The following MED24 variants were observed in gnomAD, a reference collection of about 807,000 sequenced individuals.
The protein encoded by MED24 is mediator complex subunit 24.
Under a neutral mutation model 118.8 loss-of-function variants are expected in MED24, and 74 were observed. That is an observed-to-expected ratio of 0.62 (90% CI 0.52 to 0.76). The LOEUF is 0.76. Ranked by LOEUF, MED24 falls within the 30% of genes least tolerant of loss-of-function variation. The pLI is 0.00. For synonymous variants in MED24, 521 were observed against 523.9 expected (o/e 0.99, Z 0.08); for missense variants, 1,041 against 1,278.9 (o/e 0.81, Z 2.84).
chr17:40,019,895 G>A lies in MED24; in HGVS notation c.2743C>T (p.Arg915Cys), dbSNP rs748099423. The change falls in exon 25 of 26, where the codon CGC becomes TGC. Residue 915 changes from arginine to cysteine, a missense_variant. Physicochemically the swap from Arg to Cys is radical, Grantham distance 180 (BLOSUM62 -3). Transcript: ENST00000394128. ...AACTGGGTGTGGGGGCCAGCGGTGC[G>A]AGACCCCAGGATGGAGGAGATGAGC... ...FLLISSILGS[R>C]TAGPHTQFVQ... 130 of 1,575,500 alleles carry A rather than the reference G, an allele frequency of 8.3e-5. No homozygotes were observed. The highest frequency in any genetic ancestry group is 1.0e-4 in the Non-Finnish European group (117 of 1,159,742).
intron 1 of MED24, chr17:40,053,936 G>C (rs1986092070): frequency 1.9e-6 from 1 of 520,304 alleles, no homozygotes; most frequent in Non-Finnish European, 3.4e-6. Context: ...TTCGAGACTA[G>C]CCTGACCAAC....
rs916071445 is a variant in MED24, at chr17:40,020,152, T to G, written c.2704+121A>C. ...CCAGGACAGCCAACAATGAGGGGCA[T>G]GGAGAGGGAAGGGAGGGGCACCGCA... On this transcript the variant is annotated intron_variant, in intron 24 of 25. Transcript: ENST00000394128. 50 of 1,099,536 alleles carry G rather than the reference T, an allele frequency of 4.5e-5. No individual in the cohort carries two copies. In the African/African-American group the frequency reaches 6.5e-4, roughly 14 times the overall value. 68.1% of individuals were successfully genotyped at this position (1,099,536 alleles called of 1,614,324 possible).
At position 40,026,866 on chromosome 17, in the gene MED24, T is replaced by C. The variant is rs776603016; in HGVS notation, c.1699A>G (p.Met567Val). Reference sequence around the variant, plus strand: ...GCCCGGGCCACTGACACTAGCTTCATCTCCGAGGAGTTGTTGAGCAGGGCC... The same window carrying C: ...GCCCGGGCCACTGACACTAGCTTCACCTCCGAGGAGTTGTTGAGCAGGGCC... ...LVALLNNSSE[M>V]KLVQMKWHEA... Residue 567 changes from methionine (M) to valine (V), a missense_variant, in exon 17 of 26, where the codon ATG becomes GTG. Physicochemically the swap from Met to Val is conservative, Grantham distance 21. This residue lies in a region of MED24 where 587 missense variants were observed against 694.4 expected (regional missense o/e 0.85). Transcript: ENST00000394128. The C allele has an allele frequency of 6.2e-7, 1 of 1,613,048 alleles. No homozygotes were observed. The highest frequency in any genetic ancestry group is 8.5e-7 in the Non-Finnish European group (1 of 1,179,350).
intron 9 of MED24, 94 bp downstream of exon 9, chr17:40,032,555 C>G: frequency 1.0e-6 from 1 of 962,802 alleles, no homozygotes; most frequent in South Asian, 1.6e-5. Flanking sequence ...GCCCAGTGCC[C>G]GCAGGGAGGA....
At chr17:40,035,859 C>A in intron 4 of MED24, 64 bp from the exon 5 acceptor site, 1 of 1,481,040 alleles carries the variant, frequency 6.8e-7, no homozygotes, top group South Asian at 1.2e-5. Flanking sequence ...TCACATGAGG[C>A]AGACGGTGCA....
rs1982179241 is a variant in MED24, at chr17:40,022,704, C to T, written c.2373G>A (p.Leu791=). The change falls in exon 21 of 26, where the codon CTG becomes CTA. Residue 791 remains leucine (L), a synonymous_variant. Coordinates refer to ENST00000394128, the MANE Select transcript of MED24 (RefSeq NM_014815.4). ...LVLLGHILPG[L]LTDSSKWHSL... ...TGTGCCACTTGGAGGAGTCAGTGAG[C>T]AGGCCAGGTAGGATGTGGCCCAGCA... 2 of 1,613,898 alleles carry T rather than the reference C, an allele frequency of 1.2e-6. No individual in the cohort carries two copies. Among genetic ancestry groups the T allele is most frequent in the South Asian group, 1.1e-5 (1 of 91,062 alleles).
chr17:40,034,889 G>A (rs1568166698), intron 6 of MED24: 1 of 1,399,574 alleles, frequency 7.1e-7, no homozygotes, highest in Non-Finnish European at 9.8e-7. Context: ...GCACAGTGCT[G>A]GGTATACAAC....
Position 40,022,785 on chromosome 17 carries a change from T to G in MED24, c.2292A>C (p.Ala764=). 1 of 1,613,770 alleles carries G rather than the reference T, an allele frequency of 6.2e-7. No individual in the cohort carries two copies. The highest frequency in any genetic ancestry group is 2.2e-5 in the East Asian group (1 of 44,858). The change falls in exon 21 of 26, where the codon GCA becomes GCC. Residue 764 remains alanine, a synonymous_variant. Coordinates refer to ENST00000394128, the MANE Select transcript of MED24 (RefSeq NM_014815.4). ...AGAAGATGGAGTAGAGCAGCTCCACTGCCCGCAGCGTGTGCTCCTTCCGCG... is the reference window on the plus strand; with the variant it reads ...AGAAGATGGAGTAGAGCAGCTCCACGGCCCGCAGCGTGTGCTCCTTCCGCG... ...KETRKEHTLR[A]VELLYSIFCL...
At chr17:40,053,959 C>G in intron 1 of MED24, 1 of 437,042 alleles carries the variant, frequency 2.3e-6, no homozygotes. Flanking sequence ...GGAGAAACCT[C>G]GTCTCCACTA....
intron 14 of MED24, 110 bp from the exon 15 acceptor site, chr17:40,028,056 T>C (rs1982912960): frequency 8.8e-7 from 1 of 1,133,666 alleles, no homozygotes. Flanking sequence ...AGTTACTGGT[T>C]AAACTTAAAA....
At position 40,031,527 on chromosome 17, in the gene MED24, G is replaced by T; in HGVS notation, c.1067+11C>A. ...TTCCAGTAGGGCGGGGGTGACCAGGGGAGCTCATACTTGCAGCGCTGGTCA... is the reference window on the plus strand; with the variant it reads ...TTCCAGTAGGGCGGGGGTGACCAGGTGAGCTCATACTTGCAGCGCTGGTCA... On this transcript the variant is annotated intron_variant, in intron 11 of 25. Transcript: ENST00000394128. The T allele has an allele frequency of 6.2e-7, 1 of 1,612,868 alleles. No homozygotes were observed. Among genetic ancestry groups the T allele is most frequent in the Non-Finnish European group, 8.5e-7 (1 of 1,178,916 alleles).
intron 3 of MED24, among the ~76,000 whole-genome samples, chr17:40,052,162 A>G (rs1032455827): frequency 4.6e-5 from 7 of 151,902 alleles, no homozygotes; most frequent in African/African-American, 1.7e-4. Flanking sequence ...GCGTGATGGC[A>G]GGCACCTGTA....
intron 3 of MED24, among the ~76,000 whole-genome samples, chr17:40,041,425 G>A (rs1984550828): frequency 6.6e-6 from 1 of 152,098 alleles, no homozygotes; most frequent in South Asian, 2.1e-4. Context: ...CACTCTCCCT[G>A]CTGTCTCTGC....
intron 12 of MED24, among the ~76,000 whole-genome samples, 186 bp downstream of exon 12, chr17:40,030,973 G>A (rs1983302137): frequency 6.6e-6 from 1 of 152,182 alleles, no homozygotes; most frequent in Non-Finnish European, 1.5e-5. Context: ...GTGACTAAGA[G>A]TGTAAAACTC....
intron 3 of MED24, among the ~76,000 whole-genome samples, chr17:40,052,644 C>T (rs1985979904): frequency 1.3e-5 from 2 of 152,036 alleles, no homozygotes; most frequent in Non-Finnish European, 2.9e-5. Flanking sequence ...TTCTGTTGCC[C>T]AGGCTGGAGT....
chr17:40,036,508 G>A (rs964595968), intron 3 of MED24, among the ~76,000 whole-genome samples: 11 of 152,084 alleles, frequency 7.2e-5, no homozygotes, highest in African/African-American at 2.2e-4. Context: ...GCCCAACATG[G>A]TGAAACCCCG....
chr17:40,053,574 C>A lies in MED24; in HGVS notation c.25G>T (p.Ala9Ser). 1.2e-6 allele frequency: 2 copies of A among 1,614,142 alleles called. No homozygotes were observed. Among genetic ancestry groups the A allele is most frequent in the Non-Finnish European group, 1.7e-6 (2 of 1,180,032 alleles). Residue 9 changes from alanine to serine, a missense_variant, in exon 2 of 26, where the codon GCC becomes TCC. Physicochemically the swap from Ala to Ser is moderately conservative, Grantham distance 99. Transcript: ENST00000394128. ...CGCTCCTTCCAGGCTTGCAAAATGG[C>A]TTGCTTCAGGTTGACCACCTTCATT... The part of the protein sequence containing the change: MKVVNLKQ[A>S]ILQAWKERWS...
intron 24 of MED24, 122 bp downstream of exon 24, chr17:40,020,151 A>C: frequency 9.1e-7 from 1 of 1,092,906 alleles, no homozygotes. Flanking sequence ...AATGAGGGGC[A>C]TGGAGAGGGA....
At chr17:40,039,662 TGA>T (rs1984330919) in intron 3 of MED24, among the ~76,000 whole-genome samples, 1 of 152,204 alleles carries the variant, frequency 6.6e-6, no homozygotes, top group Admixed American at 6.6e-5. Flanking sequence ...GTTTGTTGTT[TGA>T]GACAGGGTCT....
Sources: gnomAD v4.1 joint callset for allele counts (sites outside exome capture counted in the v4.1 genomes callset) on GRCh38, gnomAD v4.1.1 for gene constraint, gnomAD v4.1.1 regional missense constraint, MANE v1.5 for transcripts, NCBI Gene and HGNC (gene_info 2026-07-23, HGNC 2026-07-21) for gene names.